Variants in GRM8 observed in about 807,000 individuals in gnomAD.
GRM8 encodes metabotropic glutamate receptor 8.
Under a neutral mutation model 87.2 loss-of-function variants are expected in GRM8, and 47 were observed. The ratio of observed to expected loss-of-function variants is 0.54; its 90% CI spans 0.43 to 0.69. GRM8 has a LOEUF of 0.69. Among genes scored for constraint, GRM8 ranks in the 30% least tolerant of loss-of-function variants. The pLI is 0.00. For synonymous variants in GRM8, 396 were observed against 404.5 expected (o/e 0.98, Z 0.25); for missense variants, 1,019 against 1,139.2 (o/e 0.89, Z 1.52).
chr7:126,740,720 C>T (rs1174341642), intron 7 of GRM8, among the ~76,000 whole-genome samples: 1 of 152,128 alleles, frequency 6.6e-6, no homozygotes, highest in Non-Finnish European at 1.5e-5. Context: ...TGAAAATGTG[C>T]TGAGAGATTC....
chr7:126,706,700 C>T (rs1810563295), intron 7 of GRM8, among the ~76,000 whole-genome samples: 1 of 152,120 alleles, frequency 6.6e-6, no homozygotes, highest in Non-Finnish European at 1.5e-5. Context: ...GGTCAACTCT[C>T]AGAATGCAGA....
chr7:126,684,089 T>C (rs533565142), intron 7 of GRM8, among the ~76,000 whole-genome samples: 1 of 151,798 alleles, frequency 6.6e-6, no homozygotes, highest in Non-Finnish European at 1.5e-5. Context: ...AGGAAAGAAG[T>C]AGAGAGGATG....
rs1369970599 is a variant in GRM8, at chr7:126,706,608, CT to C, written c.1357+63256del. Among the ~76,000 whole-genome samples, 16 of 152,252 alleles carry C rather than the reference CT, an allele frequency of 1.1e-4. No homozygotes were observed. In the East Asian group the frequency reaches 3.1e-3, roughly 29 times the overall value. ...AAGGTAAATCTCAACCTAAAACACC[CT>C]CATAGAAATGCTGAGAATGATGTTT... is the stretch of plus-strand genomic sequence containing the variant. On this transcript the variant is annotated intron_variant, in intron 7 of 10. Transcript: ENST00000339582.
At chr7:126,555,920 A>G (rs1246514492) in intron 8 of GRM8, among the ~76,000 whole-genome samples, 1 of 152,180 alleles carries the variant, frequency 6.6e-6, no homozygotes, top group Non-Finnish European at 1.5e-5. Context: ...ATCAAGGAAA[A>G]CTCATATCTC....
At chr7:126,630,117 T>C (rs1262041171) in intron 7 of GRM8, among the ~76,000 whole-genome samples, 1 of 145,530 alleles carries the variant, frequency 6.9e-6, no homozygotes, top group East Asian at 2.1e-4. Flanking sequence ...AATTAAAAAG[T>C]TAACACAACA....
intron 7 of GRM8, among the ~76,000 whole-genome samples, chr7:126,707,681 T>G (rs1810672738): frequency 6.6e-6 from 1 of 152,122 alleles, no homozygotes; most frequent in Non-Finnish European, 1.5e-5. Context: ...TAAATTACAT[T>G]TGAAACACTA....
chr7:126,634,095 G>A (rs1353132764), intron 7 of GRM8, among the ~76,000 whole-genome samples: 1 of 152,072 alleles, frequency 6.6e-6, no homozygotes, highest in Non-Finnish European at 1.5e-5. Flanking sequence ...TTTAAAAGGA[G>A]AAGGAGGTTA....
chr7:126,810,196 C>T (rs1320318599), intron 6 of GRM8, among the ~76,000 whole-genome samples: 1 of 152,094 alleles, frequency 6.6e-6, no homozygotes, highest in Admixed American at 6.5e-5. Context: ...GGGATTGCAA[C>T]ATCTCTTTAT....
At chr7:127,229,265 G>T (rs996564600) in intron 2 of GRM8, 1 of 152,220 alleles carries the variant, frequency 6.6e-6, no homozygotes, top group African/African-American at 2.4e-5. Flanking sequence ...AATCCCGAGA[G>T]GATGTTGGCT....
intron 9 of GRM8, among the ~76,000 whole-genome samples, chr7:126,452,995 A>G (rs1351757424): frequency 6.6e-6 from 1 of 151,378 alleles, no homozygotes; most frequent in Non-Finnish European, 1.5e-5. Context: ...ATCTTCCTTC[A>G]TTCTCCACGT....
At chr7:126,936,386 G>T (rs928955894) in intron 3 of GRM8, among the ~76,000 whole-genome samples, 5 of 152,114 alleles carry the variant, frequency 3.3e-5, no homozygotes, top group African/African-American at 1.2e-4. Context: ...CACGACTCCA[G>T]TCATGTTTTA....
chr7:127,159,284 T>C (rs147691486), intron 2 of GRM8, among the ~76,000 whole-genome samples: 1 of 152,308 alleles, frequency 6.6e-6, no homozygotes, highest in East Asian at 1.9e-4. Context: ...GATAATAAGA[T>C]GCAAGGTAAA....
At chr7:126,882,480 A>T (rs1800110321) in intron 6 of GRM8, among the ~76,000 whole-genome samples, 1 of 152,172 alleles carries the variant, frequency 6.6e-6, no homozygotes, top group Non-Finnish European at 1.5e-5. Context: ...TATCTTCAAT[A>T]ACAAGAAACA....
At chr7:127,007,170 C>T (rs1349731275) in intron 3 of GRM8, among the ~76,000 whole-genome samples, 1 of 151,944 alleles carries the variant, frequency 6.6e-6, no homozygotes, top group African/African-American at 2.4e-5. Context: ...CCCAGATAAT[C>T]TCAGAAATAT....
chr7:127,178,075 A>G (rs547357945), intron 2 of GRM8, among the ~76,000 whole-genome samples: 1 of 152,212 alleles, frequency 6.6e-6, no homozygotes, highest in Admixed American at 6.5e-5. Flanking sequence ...AGAAAGGTGA[A>G]GCCCAATGCC....
At chr7:127,097,412 G>C (rs553487311) in intron 3 of GRM8, among the ~76,000 whole-genome samples, 2 of 152,238 alleles carry the variant, frequency 1.3e-5, no homozygotes, top group South Asian at 2.1e-4. Flanking sequence ...GAGGGGAGGT[G>C]GTCAGGAGTC....
chr7:127,165,461 G>C (rs1455474611), intron 2 of GRM8, among the ~76,000 whole-genome samples: 1 of 151,932 alleles, frequency 6.6e-6, no homozygotes, highest in Non-Finnish European at 1.5e-5. Context: ...TGGGTTGGCA[G>C]ACTCATCGGT....
At chr7:126,953,502 G>C (rs1200162775) in intron 3 of GRM8, among the ~76,000 whole-genome samples, 3 of 152,112 alleles carry the variant, frequency 2.0e-5, no homozygotes, top group Non-Finnish European at 2.9e-5. Flanking sequence ...CTATTGCTAA[G>C]ATGGACGACT....
In GRM8 at chr7:126,448,488, TCCTG is replaced by T. The variant is rs376933681; in HGVS notation, c.2431-2120_2431-2117del. ...TTTCTGCGATATATAGTAAATTTAA[TCCTG>T]CCAAATATTAGACATGAAGAGGACT... is the stretch of plus-strand genomic sequence containing the variant. On this transcript the variant is annotated intron_variant, in intron 9 of 10. Coordinates refer to ENST00000339582, the MANE Select transcript of GRM8 (RefSeq NM_000845.3). Among the ~76,000 whole-genome samples the T allele has an allele frequency of 2.6e-4, 40 of 152,070 alleles. 1 individual carries two copies. Among genetic ancestry groups the T allele is most frequent in the African/African-American group, 8.4e-4 (35 of 41,554 alleles).
Sources: allele counts gnomAD v4.1 joint callset (sites outside exome capture counted in the v4.1 genomes callset), GRCh38; gene constraint gnomAD v4.1.1; transcripts MANE v1.5; gene names NCBI Gene and HGNC (gene_info 2026-07-23, HGNC 2026-07-21).